ABLIM1: variants seen among roughly 807,000 people sequenced by gnomAD.
ABLIM1 encodes actin-binding LIM protein 1.
In ABLIM1, 40 loss-of-function variants were observed where a neutral mutation model predicts 107.0. That is an observed-to-expected ratio of 0.37 (90% CI 0.29 to 0.49). The LOEUF (loss-of-function observed/expected upper bound fraction) is 0.49, where lower values mean the gene tolerates loss of function less well. Ranked by LOEUF, ABLIM1 falls within the 20% of genes least tolerant of loss-of-function variation. The pLI is 0.97. For synonymous variants in ABLIM1, 357 were observed against 357.3 expected (o/e 1.00, Z 0.01); for missense variants, 857 against 1,008.5 (o/e 0.85, Z 2.04).
chr10:114,688,289 T>G (rs2080990343), upstream of ABLIM1, among the ~76,000 whole-genome samples: 1 of 152,206 alleles, frequency 6.6e-6, no homozygotes, highest in South Asian at 2.1e-4. Flanking sequence ...CAACCCCTAT[T>G]ACATACGGTC....
intron 1 of ABLIM1, among the ~76,000 whole-genome samples, chr10:114,710,984 C>A (rs2081535811): frequency 6.6e-6 from 1 of 152,144 alleles, no homozygotes; most frequent in Non-Finnish European, 1.5e-5. Flanking sequence ...CAAAGATGAC[C>A]TATAAGCTCA....
chr10:114,784,389 G>A, the ABLIM1 span, among the ~76,000 whole-genome samples: 1 of 150,644 alleles, frequency 6.6e-6, no homozygotes, highest in Non-Finnish European at 1.5e-5. Flanking sequence ...AATGGGCCGG[G>A]CATGGTAGCT....
At chr10:114,683,749 AG>A (rs1252011823) in intron 1 of ABLIM1, among the ~76,000 whole-genome samples, 1 of 152,142 alleles carries the variant, frequency 6.6e-6, no homozygotes, top group Admixed American at 6.5e-5. Flanking sequence ...GCAGCCTGTG[AG>A]ACTGCGTGGG....
intron 6 of ABLIM1, among the ~76,000 whole-genome samples, chr10:114,494,501 CT>C (rs1307679358): frequency 6.6e-6 from 1 of 152,190 alleles, no homozygotes; most frequent in African/African-American, 2.4e-5. Flanking sequence ...TGCCACTGCA[CT>C]CCAGCCTGGG....
intron 6 of ABLIM1, among the ~76,000 whole-genome samples, chr10:114,528,967 C>T (rs1473974378): frequency 6.6e-6 from 1 of 152,128 alleles, no homozygotes; most frequent in African/African-American, 2.4e-5. Flanking sequence ...CCCTGCACCT[C>T]ACCTCATGTT....
rs1282474119 is a variant in ABLIM1, at chr10:114,519,891, G to GT, written c.894+25113dup. Reference sequence around the variant, plus strand: ...ACCCAGGAAAAAAGGAACCAGCTGGGTTACCCCCAAACCTGGGTGAAACTG... The same window carrying GT: ...ACCCAGGAAAAAAGGAACCAGCTGGGTTTACCCCCAAACCTGGGTGAAACTG... On this transcript the variant is annotated intron_variant, in intron 6 of 22. Transcript: ENST00000533213. Among the ~76,000 whole-genome samples, 5 of 152,340 alleles carry GT rather than the reference G, an allele frequency of 3.3e-5. No individual in the cohort carries two copies. In the East Asian group the frequency reaches 9.6e-4, roughly 29 times the overall value.
chr10:114,757,945 T>G (rs2082667106), intron 1 of ABLIM1, among the ~76,000 whole-genome samples: 1 of 152,130 alleles, frequency 6.6e-6, no homozygotes, highest in Non-Finnish European at 1.5e-5. Context: ...CACACAAGCC[T>G]GCCTCCTGGT....
intron 1 of ABLIM1, among the ~76,000 whole-genome samples, chr10:114,610,876 G>A (rs528812053): frequency 6.6e-5 from 10 of 152,250 alleles, no homozygotes; most frequent in East Asian, 1.9e-4. Context: ...GATACTGGCC[G>A]GGTGCGGTGG....
intron 4 of ABLIM1, among the ~76,000 whole-genome samples, chr10:114,562,421 C>T (rs939113562): frequency 1.3e-5 from 2 of 151,974 alleles, no homozygotes; most frequent in Admixed American, 6.6e-5. Context: ...CCCAGCTACT[C>T]GGGAGGCTGA....
At position 114,697,409 on chromosome 10, in the gene ABLIM1, C is replaced by T. The variant is rs370481594; in HGVS notation, c.-213+70652G>A. Among the ~76,000 whole-genome samples, 31 of 152,322 alleles carry T rather than the reference C, an allele frequency of 2.0e-4. No homozygotes were observed. The East Asian group carries it at 2.7e-3, about 13-fold the overall frequency. Reference sequence around the variant, plus strand: ...TGATCAGCCCTCAGGAGCTGGCACGCGGTTTTCGAAGCAGCTGATCTGCCC... The same window carrying T: ...TGATCAGCCCTCAGGAGCTGGCACGTGGTTTTCGAAGCAGCTGATCTGCCC... On this transcript the variant is annotated intron_variant, in intron 1 of 15. Coordinates refer to the ABLIM1 transcript ENST00000651092.
chr10:114,673,271 C>CAAAAAAAAAAAAAAAA (rs1182119576), intron 1 of ABLIM1, among the ~76,000 whole-genome samples: 1 of 127,938 alleles, frequency 7.8e-6, no homozygotes, highest in Non-Finnish European at 1.7e-5. Context: ...AAAAAAAAAA[C>CAAAAAAAAAAAAAAAA]AAAAAAAAAA....
chr10:114,757,678 G>T (rs1478346013), intron 1 of ABLIM1, among the ~76,000 whole-genome samples: 3 of 152,116 alleles, frequency 2.0e-5, no homozygotes, highest in Non-Finnish European at 4.4e-5. Context: ...CTCTTATCTT[G>T]ACCATTACGG....
At chr10:114,632,822 G>C in intron 1 of ABLIM1, 1 of 980,478 alleles carries the variant, frequency 1.0e-6, no homozygotes, top group Non-Finnish European at 1.2e-6. Flanking sequence ...ACAATTAAGG[G>C]ACAAACAGCC....
intron 2 of ABLIM1, among the ~76,000 whole-genome samples, chr10:114,592,104 A>G (rs1413194): frequency 0.7 from 106,163 of 152,030 alleles, 37,565 homozygotes; most frequent in Middle Eastern, 0.78. Flanking sequence ...GTCAGGGGAC[A>G]CAGGCAATAC....
intron 1 of ABLIM1, among the ~76,000 whole-genome samples, chr10:114,720,602 CAG>C (rs1261105307): frequency 6.6e-6 from 1 of 152,116 alleles, no homozygotes; most frequent in Non-Finnish European, 1.5e-5. Flanking sequence ...TGAGAAAACA[CAG>C]AGAGAGATCT....
chr10:114,439,612 A>ATTTC (rs775558401), intron 20 of ABLIM1: 1 of 378,730 alleles, frequency 2.6e-6, no homozygotes, highest in Non-Finnish European at 4.8e-6. Flanking sequence ...TCTCCATCAC[A>ATTTC]TTTCTTTCTT....
At chr10:114,448,681 T>C (rs1307017018) in intron 14 of ABLIM1, among the ~76,000 whole-genome samples, 1 of 151,948 alleles carries the variant, frequency 6.6e-6, no homozygotes, top group Non-Finnish European at 1.5e-5. Flanking sequence ...TGGTACAATC[T>C]TGGCTCACTG....
intron 1 of ABLIM1, among the ~76,000 whole-genome samples, chr10:114,719,256 AT>A (rs1242798101): frequency 1.3e-5 from 2 of 152,188 alleles, no homozygotes; most frequent in Non-Finnish European, 2.9e-5. Flanking sequence ...TGAAATAAGC[AT>A]TTTTTGACTG....
intron 1 of ABLIM1, among the ~76,000 whole-genome samples, chr10:114,735,247 A>G (rs1214773292): frequency 6.6e-6 from 1 of 152,200 alleles, no homozygotes; most frequent in African/African-American, 2.4e-5. Context: ...CTAATGATGA[A>G]GAGTCTCAGT....
Sources: allele counts gnomAD v4.1 joint callset (sites outside exome capture counted in the v4.1 genomes callset), GRCh38; gene constraint gnomAD v4.1.1; transcripts MANE v1.5; gene names NCBI Gene and HGNC (gene_info 2026-07-23, HGNC 2026-07-21).